The following RP1 variants were observed in gnomAD, a reference collection of about 807,000 sequenced individuals.
RP1 encodes RP1 axonemal microtubule associated.
A neutral mutation model predicts 14.8 loss-of-function variants in RP1; 16 were observed. The ratio of observed to expected loss-of-function variants is 1.08; its 90% confidence interval spans 0.73 to 1.65. The LOEUF (loss-of-function observed/expected upper bound fraction) is 1.65. Among genes scored for constraint, RP1 ranks in the 40% most tolerant of loss-of-function variants. The pLI is 0.00. For synonymous variants in RP1, 876 were observed against 883.6 expected, an observed-to-expected ratio of 0.99 and a Z score of 0.15; for missense variants, 2,631 against 2,535.0, an observed-to-expected ratio of 1.04 and a Z score of -0.81.
chr8:54,603,868 T>G (rs1805357181), intron 1 of RP1, among the ~76,000 whole-genome samples: 1 of 152,200 alleles, frequency 6.6e-6, no homozygotes, highest in Admixed American at 6.5e-5. Flanking sequence ...AGAATGCTTG[T>G]GATTTTTGTA....
At chr8:54,594,621 A>G (rs1458254374) in intron 1 of RP1, among the ~76,000 whole-genome samples, 1 of 152,200 alleles carries the variant, frequency 6.6e-6, no homozygotes, top group Non-Finnish European at 1.5e-5. Context: ...CAAAATTAAG[A>G]CTTAAATTTG....
Position 54,630,795 on chromosome 8 carries a change from G to A in RP1, c.*442G>A. 1 of 1,004,782 alleles carries A rather than the reference G, an allele frequency of 1.0e-6. No homozygotes were observed. Among genetic ancestry groups the A allele is most frequent in the Non-Finnish European group, 1.2e-6 (1 of 842,036 alleles). 62.2% of individuals were successfully genotyped at this position (1,004,782 alleles called of 1,614,324 possible). A position where few individuals can be genotyped will look rare whatever the true frequency, so the allele number is the denominator to read the frequency against. On this transcript the variant is annotated 3_prime_UTR_variant, in exon 4 of 4. Transcript: ENST00000220676. ...TTTTTAACTACTGATTTGATAAAAA[G>A]TATGATTATAAGATATCCACGACAA...
chr8:54,720,412 G>T, intron 16 of RP1: 1 of 1,035,646 alleles, frequency 9.7e-7, no homozygotes, highest in African/African-American at 1.6e-5. Flanking sequence ...TCTGCTGCTA[G>T]GCTTTTTTGT....
At chr8:54,753,877 A>G (rs1460787622) in intron 19 of RP1, among the ~76,000 whole-genome samples, 1 of 152,226 alleles carries the variant, frequency 6.6e-6, no homozygotes, top group East Asian at 1.9e-4. Context: ...AGAATAAGCC[A>G]TCTGAGAAAT....
chr8:54,615,201 C>T (rs769547049), upstream of RP1, among the ~76,000 whole-genome samples: 1 of 152,196 alleles, frequency 6.6e-6, no homozygotes, highest in African/African-American at 2.4e-5. Flanking sequence ...ACTCCTCTCT[C>T]CATTTCTCTC....
intron 28 of RP1, among the ~76,000 whole-genome samples, chr8:54,866,401 A>C (rs1812460264): frequency 6.6e-6 from 1 of 152,160 alleles, no homozygotes; most frequent in African/African-American, 2.4e-5. Flanking sequence ...ATATAACAGG[A>C]GACTTAAGTG....
At chr8:54,749,382 ATTG>A (rs1809304844) in intron 19 of RP1, among the ~76,000 whole-genome samples, 1 of 152,082 alleles carries the variant, frequency 6.6e-6, no homozygotes, top group Non-Finnish European at 1.5e-5. Flanking sequence ...GATGGTGGCA[ATTG>A]TTGTTGGTTA....
chr8:54,857,004 T>A, intron 26 of RP1: 1 of 828,974 alleles, frequency 1.2e-6, no homozygotes, highest in Non-Finnish European at 1.6e-6. Context: ...TAATGGTCAC[T>A]GAGTTTATTT....
rs1057179569 is a variant in RP1 at position 54,627,549 on chromosome 8, T to G, written c.3667T>G (p.Cys1223Gly). ...STVNIQSVPKCSENERTQGIS... is the reference protein window; with the variant it reads ...STVNIQSVPKGSENERTQGIS... ...GGTCAACATTCAGAGTGTTCCTAAG[T>G]GCAGTGAAAATGAAAGAACACAAGG... The change falls in exon 4 of 4, where the codon TGC becomes GGC. Residue 1223 changes from cysteine to glycine, a missense_variant. Cys to Gly is a radical substitution (Grantham distance 159, BLOSUM62 -3). Coordinates refer to ENST00000220676, the MANE Select transcript of RP1 (RefSeq NM_006269.2). The G allele has an allele frequency of 5.6e-6, 9 of 1,614,046 alleles. No homozygotes were observed. In the African/African-American group the frequency reaches 9.3e-5, roughly 17 times the overall value.
intron 16 of RP1, chr8:54,720,310 T>C: frequency 6.5e-7 from 1 of 1,532,286 alleles, no homozygotes; most frequent in Non-Finnish European, 8.7e-7. Flanking sequence ...ATCCAATGTA[T>C]GTTTACTCTG....
chr8:54,820,998 A>C (rs1811243026), intron 24 of RP1, among the ~76,000 whole-genome samples: 1 of 152,212 alleles, frequency 6.6e-6, no homozygotes, highest in Non-Finnish European at 1.5e-5. Context: ...TTAGAAACAA[A>C]AACACAAAGC....
At chr8:54,794,767 A>C (rs1461086980) in intron 24 of RP1, among the ~76,000 whole-genome samples, 1 of 152,088 alleles carries the variant, frequency 6.6e-6, no homozygotes, top group African/African-American at 2.4e-5. Flanking sequence ...AGAAATGAAA[A>C]TAATCAGCAA....
chr8:54,656,069 T>G (rs761306681), intron 5 of RP1: 17 of 1,495,820 alleles, frequency 1.1e-5, no homozygotes, highest in Non-Finnish European at 2.7e-6. Context: ...AAAGTAATAT[T>G]ATTGTTATTA....
intron 24 of RP1, among the ~76,000 whole-genome samples, chr8:54,832,135 T>C (rs188239916): frequency 1.3e-5 from 2 of 151,980 alleles, no homozygotes; most frequent in African/African-American, 4.8e-5. Flanking sequence ...TTTCTTTATA[T>C]ATATTTTGCT....
At chr8:54,641,911 A>T (rs1806461311) in intron 3 of RP1, among the ~76,000 whole-genome samples, 1 of 152,166 alleles carries the variant, frequency 6.6e-6, no homozygotes, top group South Asian at 2.1e-4. Context: ...TCTCAAAATG[A>T]TTATGTGTGA....
At chr8:54,651,550 T>C (rs1263783333) in intron 4 of RP1, among the ~76,000 whole-genome samples, 1 of 152,206 alleles carries the variant, frequency 6.6e-6, no homozygotes, top group African/African-American at 2.4e-5. Context: ...TTTGTTGGCA[T>C]ACTATTGCTC....
In RP1 at chr8:54,627,965, G is replaced by A. The variant is rs769662537; in HGVS notation, c.4083G>A (p.Glu1361=). The change falls in exon 4 of 4, where the codon GAG becomes GAA. Residue 1361 remains glutamate (E), a synonymous_variant. Transcript: ENST00000220676. The part of the protein sequence containing the change: ...TYTDNLDSTE[E]LERGDDIQKD... ...CTGATAACTTGGATTCAACTGAAGA[G>A]TTAGAAAGAGGTGATGACATTCAGA... 1 of 1,614,084 alleles carries A rather than the reference G, an allele frequency of 6.2e-7. No individual in the cohort carries two copies. The highest frequency in any genetic ancestry group is 8.5e-7 in the Non-Finnish European group (1 of 1,179,964).
intron 23 of RP1, chr8:54,780,939 T>C (rs1810170740): frequency 1.0e-6 from 1 of 985,098 alleles, no homozygotes. Context: ...ATTGTAAATA[T>C]GGAAGATCCT....
chr8:54,652,453 G>A (rs1293000835), intron 4 of RP1, among the ~76,000 whole-genome samples: 1 of 151,932 alleles, frequency 6.6e-6, no homozygotes, highest in Non-Finnish European at 1.5e-5. Flanking sequence ...GTTGTTGGGT[G>A]GAGTGTTCTA....
Sources: allele counts gnomAD v4.1 joint callset (sites outside exome capture counted in the v4.1 genomes callset), GRCh38; gene constraint gnomAD v4.1.1; transcripts MANE v1.5; gene names NCBI Gene and HGNC (gene_info 2026-07-23, HGNC 2026-07-21).